MARK3: variants seen among roughly 807,000 people sequenced by gnomAD.
MARK3 encodes the protein MAP/microtubule affinity-regulating kinase 3.
A neutral mutation model predicts 90.1 loss-of-function variants in MARK3; 46 were observed. The observed-to-expected ratio is 0.51, with a 90% CI of 0.40 to 0.65. The LOEUF is 0.65. Ranked by LOEUF, MARK3 falls within the 30% of genes least tolerant of loss-of-function variation. The pLI is 0.00. For synonymous variants in MARK3, 321 were observed against 332.6 expected (o/e 0.97, Z 0.38); for missense variants, 818 against 947.2 (o/e 0.86, Z 1.79).
chr14:103,445,116 T>TC (rs1378036332), intron 3 of MARK3, among the ~76,000 whole-genome samples: 4 of 152,166 alleles, frequency 2.6e-5, no homozygotes, highest in African/African-American at 9.7e-5. Context: ...CAATGTGGAA[T>TC]CCTGAGATGA....
intron 3 of MARK3, among the ~76,000 whole-genome samples, chr14:103,439,914 A>G (rs2092809368): frequency 6.6e-6 from 1 of 151,366 alleles, no homozygotes; most frequent in Non-Finnish European, 1.5e-5. Context: ...CTTCCAAAGT[A>G]TCTGGGATTA....
At chr14:103,485,391 G>A in intron 14 of MARK3, among the ~76,000 whole-genome samples, 1 of 150,478 alleles carries the variant, frequency 6.6e-6, no homozygotes, top group East Asian at 2.0e-4. Flanking sequence ...CTCCTGTGTT[G>A]GCTTCTTGAG....
intron 17 of MARK3, among the ~76,000 whole-genome samples, chr14:103,501,281 AG>A (rs1595974569): frequency 1.3e-5 from 2 of 152,112 alleles, no homozygotes; most frequent in African/African-American, 4.8e-5. Context: ...TTCCCTCTCC[AG>A]GCCTACCCAT....
chr14:103,472,866 C>T (rs1006941641), intron 12 of MARK3, among the ~76,000 whole-genome samples: 1 of 151,852 alleles, frequency 6.6e-6, no homozygotes, highest in African/African-American at 2.4e-5. Context: ...ATTAGCCGGG[C>T]ATGGTGGCAG....
At chr14:103,434,646 ACTCGAAATTTACATCAAGCTGTCAG>A (rs1301030406) in intron 3 of MARK3, among the ~76,000 whole-genome samples, 3 of 152,174 alleles carry the variant, frequency 2.0e-5, no homozygotes, top group South Asian at 4.2e-4. Flanking sequence ...CAGGCATGAG[ACTCGAAATTTACATCAAGCTGTCAG>A]CTTTGGTTTA....
rs2140394730 is a variant in MARK3 at position 103,385,423 on chromosome 14, G to C, written c.-607G>C. 6.5e-6 allele frequency: 1 copy of C among 153,970 alleles called. No individual in the cohort carries two copies. Among genetic ancestry groups the C allele is most frequent in the African/African-American group, 2.4e-5 (1 of 41,586 alleles). The allele number at this position is 153,970 out of a possible 1,614,324, so 9.5% of individuals were successfully genotyped here. ...CGAGGGGCGGCCATCTTGGCTCCGTGAGGCTCTGAGGTGCCGGGGTGCGGC... is the reference window on the plus strand; with the variant it reads ...CGAGGGGCGGCCATCTTGGCTCCGTCAGGCTCTGAGGTGCCGGGGTGCGGC... On this transcript the variant is annotated 5_prime_UTR_variant, in exon 1 of 18. Coordinates refer to ENST00000429436, the MANE Select transcript of MARK3 (RefSeq NM_001128918.3).
intron 2 of MARK3, among the ~76,000 whole-genome samples, chr14:103,422,476 G>A (rs946916596): frequency 3.9e-5 from 6 of 152,026 alleles, no homozygotes; most frequent in Non-Finnish European, 7.4e-5. Context: ...AAAAAGAAAC[G>A]TAACATACAT....
intron 5 of MARK3, among the ~76,000 whole-genome samples, chr14:103,454,877 T>A (rs1595755498): frequency 1.3e-5 from 2 of 152,342 alleles, no homozygotes; most frequent in African/African-American, 4.8e-5. Context: ...CCTGTCAGTG[T>A]CCTTCCATCC....
Position 103,502,972 on chromosome 14 carries a change from A to G in MARK3, c.2007A>G (p.Ser669=). 1.2e-6 allele frequency: 2 copies of G among 1,614,296 alleles called. No individual in the cohort carries two copies. Among genetic ancestry groups the G allele is most frequent in the Non-Finnish European group, 1.7e-6 (2 of 1,180,054 alleles). ...RFTWSMKTTS[S]MDPGDMMREI... ...CCTGGAGCATGAAAACCACTAGTTC[A>G]ATGGATCCCGGGGACATGATGCGGG... The change falls in exon 18 of 18, where the codon TCA becomes TCG. Residue 669 remains serine, a synonymous_variant. Transcript: ENST00000429436.
At chr14:103,497,295 T>C (rs993114251) in intron 15 of MARK3, among the ~76,000 whole-genome samples, 39 of 152,220 alleles carry the variant, frequency 2.6e-4, no homozygotes, top group African/African-American at 6.8e-4. Flanking sequence ...CCTAAAGCAA[T>C]GCCAAAGTTA....
chr14:103,456,690 T>C (rs1308611030), intron 5 of MARK3, among the ~76,000 whole-genome samples: 6 of 152,220 alleles, frequency 3.9e-5, no homozygotes, highest in African/African-American at 1.4e-4. Flanking sequence ...CACTGCTGCA[T>C]CTCCCCAGAA....
intron 14 of MARK3, 43 bp downstream of exon 14, chr14:103,480,533 A>G (rs1261998981): frequency 8.4e-7 from 1 of 1,195,006 alleles, no homozygotes; most frequent in Non-Finnish European, 1.2e-6. Context: ...GTTTTTCCCA[A>G]GAGAAATGGA....
chr14:103,412,545 T>C (rs4906321), intron 2 of MARK3: 370,402 of 580,658 alleles, frequency 0.64, 121,239 homozygotes, highest in East Asian at 0.8. Context: ...CTTGGTCTCG[T>C]CACAGTGCTG....
chr14:103,435,077 T>C (rs1018969552), intron 3 of MARK3, among the ~76,000 whole-genome samples: 1 of 152,212 alleles, frequency 6.6e-6, no homozygotes, highest in African/African-American at 2.4e-5. Context: ...GGGAAACTTA[T>C]AATTTGAAAG....
At chr14:103,491,263 C>A in intron 14 of MARK3, 1 of 396,062 alleles carries the variant, frequency 2.5e-6, no homozygotes, top group Non-Finnish European at 4.2e-6. Flanking sequence ...TCATGATGTC[C>A]TCGGTTGTGT....
chr14:103,495,860 A>C (rs2075310079), intron 15 of MARK3, among the ~76,000 whole-genome samples: 1 of 152,234 alleles, frequency 6.6e-6, no homozygotes, highest in South Asian at 2.1e-4. Context: ...ATCCTCCTTT[A>C]GCAATAATTG....
At chr14:103,399,623 C>T (rs1162178118) in intron 1 of MARK3, among the ~76,000 whole-genome samples, 5 of 148,822 alleles carry the variant, frequency 3.4e-5, no homozygotes, top group Non-Finnish European at 7.4e-5. Flanking sequence ...GGCGTGAACC[C>T]GGGAGGCGGA....
At chr14:103,494,017 T>C (rs1312845220) in intron 15 of MARK3, among the ~76,000 whole-genome samples, 1 of 151,712 alleles carries the variant, frequency 6.6e-6, no homozygotes, top group Admixed American at 6.6e-5. Context: ...GCGGATCACC[T>C]GGGGTCAGGA....
At chr14:103,428,619 G>A (rs981335276) in intron 3 of MARK3, among the ~76,000 whole-genome samples, 179 bp downstream of exon 3, 6 of 152,080 alleles carry the variant, frequency 3.9e-5, no homozygotes, top group Non-Finnish European at 7.4e-5. Flanking sequence ...ATCTTTGGTC[G>A]GAGATTATTT....
Sources: gnomAD v4.1 joint callset for allele counts (sites outside exome capture counted in the v4.1 genomes callset) on GRCh38, gnomAD v4.1.1 for gene constraint, MANE v1.5 for transcripts, NCBI Gene and HGNC (gene_info 2026-07-23, HGNC 2026-07-21) for gene names.